COG5: variants seen among roughly 807,000 people sequenced by gnomAD.
COG5 encodes conserved oligomeric Golgi complex subunit 5.
Under a neutral mutation model 110.4 loss-of-function variants are expected in COG5, and 86 were observed. The observed-to-expected ratio is 0.78, with a 90% CI of 0.65 to 0.93. The LOEUF (loss-of-function observed/expected upper bound fraction) is 0.93, where lower values mean the gene tolerates loss of function less well. Among genes scored for constraint, COG5 ranks in the 40% least tolerant of loss-of-function variants. The pLI is 0.00. For synonymous variants in COG5, 360 were observed against 334.6 expected, an observed-to-expected ratio of 1.08 and a Z score of -0.83; for missense variants, 1,077 against 987.0, an observed-to-expected ratio of 1.09 and a Z score of -1.22.
chr7:107,207,256 A>G (rs1484394876), intron 21 of COG5, among the ~76,000 whole-genome samples: 1 of 152,208 alleles, frequency 6.6e-6, no homozygotes, highest in Non-Finnish European at 1.5e-5. Context: ...CAGAACTGAT[A>G]GGTAGCTAGT....
intron 14 of COG5, among the ~76,000 whole-genome samples, chr7:107,269,411 C>T (rs1804065379): frequency 6.6e-6 from 1 of 150,534 alleles, no homozygotes; most frequent in African/African-American, 2.4e-5. Context: ...GGAGGTGGAG[C>T]TTGCAGTGAG....
chr7:107,455,626 T>C (rs894385913), intron 6 of COG5, among the ~76,000 whole-genome samples: 7 of 152,196 alleles, frequency 4.6e-5, no homozygotes, highest in Non-Finnish European at 8.8e-5. Context: ...GTTTGCTAAC[T>C]GATGGTATAT....
At chr7:107,309,784 T>C (rs533666465) in intron 11 of COG5, among the ~76,000 whole-genome samples, 2 of 152,306 alleles carry the variant, frequency 1.3e-5, no homozygotes, top group Non-Finnish European at 2.9e-5. Context: ...GTTTTATAAA[T>C]GTGTAAAATA....
intron 6 of COG5, among the ~76,000 whole-genome samples, chr7:107,507,735 C>T (rs1048135555): frequency 5.3e-5 from 8 of 152,066 alleles, no homozygotes; most frequent in Non-Finnish European, 1.0e-4. Context: ...TTCATCTATA[C>T]ATAAGTGAGA....
chr7:107,318,261 TATG>T (rs1808938076), intron 11 of COG5, among the ~76,000 whole-genome samples: 1 of 152,070 alleles, frequency 6.6e-6, no homozygotes, highest in South Asian at 2.1e-4. Flanking sequence ...CTCCTGACCT[TATG>T]ATCTGCCCAC....
At chr7:107,376,530 T>C (rs1392315999) in intron 7 of COG5, among the ~76,000 whole-genome samples, 1 of 152,028 alleles carries the variant, frequency 6.6e-6, no homozygotes, top group Non-Finnish European at 1.5e-5. Context: ...TTTTTTGATA[T>C]AAATTGTATG....
chr7:107,298,840 C>T (rs1386114719), intron 11 of COG5, among the ~76,000 whole-genome samples: 2 of 152,114 alleles, frequency 1.3e-5, no homozygotes, highest in African/African-American at 2.4e-5. Context: ...AAAGCTTGTT[C>T]TCTAACCAAA....
intron 6 of COG5, among the ~76,000 whole-genome samples, chr7:107,459,096 C>T (rs1795837505): frequency 6.6e-6 from 1 of 151,626 alleles, no homozygotes; most frequent in Admixed American, 6.6e-5. Context: ...AAGATGTAAC[C>T]CTAACCATAT....
chr7:107,316,704 C>T (rs1029929144), intron 11 of COG5, among the ~76,000 whole-genome samples: 14 of 146,188 alleles, frequency 9.6e-5, no homozygotes, highest in Admixed American at 2.1e-4. Context: ...TGGTGGCGGG[C>T]GGCTATAGTC....
At chr7:107,492,055 T>C (rs1481330230) in intron 6 of COG5, among the ~76,000 whole-genome samples, 1 of 152,100 alleles carries the variant, frequency 6.6e-6, no homozygotes, top group Non-Finnish European at 1.5e-5. Flanking sequence ...ATATTTTGTA[T>C]CTGTGTATAA....
intron 2 of COG5, 100 bp downstream of exon 2, chr7:107,557,873 ACTT>A (rs1803440509): frequency 7.1e-7 from 1 of 1,404,488 alleles, no homozygotes; most frequent in Non-Finnish European, 1.0e-6. Context: ...GTAAGTATGT[ACTT>A]CTTCATGTAA....
chr7:107,321,627 A>G (rs1198129509), intron 11 of COG5, among the ~76,000 whole-genome samples: 2 of 152,200 alleles, frequency 1.3e-5, no homozygotes, highest in African/African-American at 4.8e-5. Flanking sequence ...ACTTATAGAT[A>G]ACCAAATGAT....
intron 14 of COG5, among the ~76,000 whole-genome samples, chr7:107,279,702 A>G (rs1324526020): frequency 2.6e-5 from 4 of 152,160 alleles, no homozygotes; most frequent in Non-Finnish European, 4.4e-5. Context: ...TTAATGCTTA[A>G]GCTTCCCTTA....
At chr7:107,475,641 A>G in intron 6 of COG5, 1 of 282,074 alleles carries the variant, frequency 3.5e-6, no homozygotes, top group Non-Finnish European at 7.0e-6. Context: ...TTAAGGAATA[A>G]ATACATAGCC....
chr7:107,467,707 G>T (rs1443474294), intron 6 of COG5, among the ~76,000 whole-genome samples: 5 of 152,090 alleles, frequency 3.3e-5, no homozygotes, highest in Non-Finnish European at 5.9e-5. Flanking sequence ...CAGTAGTTGA[G>T]ATATTTGCAT....
chr7:107,417,837 G>C (rs985244239), intron 6 of COG5, among the ~76,000 whole-genome samples: 2 of 151,840 alleles, frequency 1.3e-5, no homozygotes, highest in African/African-American at 4.8e-5. Flanking sequence ...AATAATTTTT[G>C]CTCCCTTTTT....
chr7:107,221,717 A>G (rs1233168140), intron 19 of COG5, among the ~76,000 whole-genome samples: 2 of 150,964 alleles, frequency 1.3e-5, no homozygotes, highest in Admixed American at 1.3e-4. Flanking sequence ...GTGAGCCGGG[A>G]TCATGCCACT....
chr7:107,415,726 G>T (rs1165085384), intron 6 of COG5, among the ~76,000 whole-genome samples: 1 of 148,632 alleles, frequency 6.7e-6, no homozygotes, highest in African/African-American at 2.5e-5. Context: ...ATGTATATAT[G>T]TATATGTATA....
At position 107,201,662 on chromosome 7, in the gene COG5, A is replaced by G; in HGVS notation, c.*1854T>C. 1 of 409,068 alleles carries G rather than the reference A, an allele frequency of 2.4e-6. No homozygotes were observed. The highest frequency in any genetic ancestry group is 4.4e-6 in the Non-Finnish European group (1 of 228,126). The allele number at this position is 409,068 out of a possible 1,614,324, so 25.3% of individuals were successfully genotyped here. A position where few individuals can be genotyped will look rare whatever the true frequency, so the allele number is the denominator to read the frequency against. ...AACCAAATTGCCTTATTTTTCTTCCAAACTTCATATATGTCTATCAGGTAA... is the reference window on the plus strand; with the variant it reads ...AACCAAATTGCCTTATTTTTCTTCCGAACTTCATATATGTCTATCAGGTAA... On this transcript the variant is annotated 3_prime_UTR_variant, in exon 22 of 22. Transcript: ENST00000297135.
Sources: gnomAD v4.1 joint callset for allele counts (sites outside exome capture counted in the v4.1 genomes callset) on GRCh38, gnomAD v4.1.1 for gene constraint, MANE v1.5 for transcripts, NCBI Gene and HGNC (gene_info 2026-07-23, HGNC 2026-07-21) for gene names.